Variants in ZNF816 observed in about 807,000 individuals in gnomAD.
ZNF816 encodes the protein zinc finger protein 816A.
A neutral mutation model predicts 8.3 loss-of-function variants in ZNF816; 11 were observed. That is an observed-to-expected ratio of 1.32 (90% CI 0.83 to 2.19). ZNF816 has a LOEUF of 2.19. ZNF816 is among the 30% of genes most tolerant of loss of function. The pLI is 0.00. For synonymous variants in ZNF816, 255 were observed against 254.5 expected, an observed-to-expected ratio of 1.00 and a Z score of -0.02; for missense variants, 710 against 779.3, an observed-to-expected ratio of 0.91 and a Z score of 1.06.
intron 2 of ZNF816, among the ~76,000 whole-genome samples, chr19:52,953,750 T>TAA (rs1045325475): frequency 7.0e-6 from 1 of 143,292 alleles, no homozygotes; most frequent in Non-Finnish European, 1.5e-5. Context: ...TATATATATA[T>TAA]AAAATAAGTC....
In ZNF816 at chr19:52,950,612, T is replaced by C; in HGVS notation, c.1163A>G (p.His388Arg). ...AGGTTTCTCTCCAGTGTGAAGTATA[T>C]GATGGCATTGAAGGGATGATTTCTG... ...FSQKSSLQCH[H>R]ILHTGEKPYK... The change falls in exon 4 of 4, where the codon CAT becomes CGT. Residue 388 changes from histidine to arginine, a missense_variant. Physicochemically the swap from His to Arg is conservative, Grantham distance 29. Coordinates refer to ENST00000444460, the MANE Select transcript of ZNF816 (RefSeq NM_001202457.3). 2.5e-6 allele frequency: 4 copies of C among 1,614,134 alleles called. No individual in the cohort carries two copies. The highest frequency in any genetic ancestry group is 2.2e-5 in the East Asian group (1 of 44,854).
At chr19:52,953,413 T>A (rs117032403) in intron 2 of ZNF816, 7,280 of 159,288 alleles carry the variant, frequency 0.046, 311 homozygotes, top group East Asian at 0.21. Context: ...AGAAAAAAAA[T>A]ATATATATAC....
In ZNF816 at chr19:52,950,001, G is replaced by A; in HGVS notation, c.1774C>T (p.Pro592Ser). The A allele has an allele frequency of 6.2e-7, 1 of 1,613,966 alleles. No individual in the cohort carries two copies. The highest frequency in any genetic ancestry group is 8.5e-7 in the Non-Finnish European group (1 of 1,179,926). Residue 592 changes from proline (P) to serine (S), a missense_variant, in exon 4 of 4, where the codon CCT becomes TCT. Coordinates refer to ENST00000444460, the MANE Select transcript of ZNF816 (RefSeq NM_001202457.3). Reference protein sequence around the residue: ...QHQRVHTGEKPYKCNECGKVF... With the variant: ...QHQRVHTGEKSYKCNECGKVF... Reference sequence around the variant, plus strand: ...TTGCCACATTCATTACACTTGTAAGGTTTCTCTCCAGTATGAACTCTCTGA... The same window carrying A: ...TTGCCACATTCATTACACTTGTAAGATTTCTCTCCAGTATGAACTCTCTGA...
Position 52,951,541 on chromosome 19 carries a change from G to A in ZNF816, c.234C>T (p.His78=), listed in dbSNP as rs201142201. ...KSMMEFSSTR[H]SITGEVIHTG... ...TGTGGATCACTTCTCCTGTAATACT[G>A]TGCCTGGTTGATGAGAACTCCATCA... is the stretch of plus-strand genomic sequence containing the variant. Residue 78 remains histidine (H), a synonymous_variant, in exon 4 of 4, where the codon CAC becomes CAT. Transcript: ENST00000444460. 19 of 1,582,416 alleles carry A rather than the reference G, an allele frequency of 1.2e-5. No individual in the cohort carries two copies. In the South Asian group the frequency reaches 1.3e-4, roughly 11 times the overall value.
rs1202955325 is a variant in ZNF816 at position 52,949,783 on chromosome 19, A to G, written c.*36T>C. ...AATATGGATTCTGTAATGATTTGCA[A>G]TGGTTGTAGCATTACTGAAGACTTT... On this transcript the variant is annotated 3_prime_UTR_variant, in exon 4 of 4. Coordinates refer to ENST00000444460, the MANE Select transcript of ZNF816 (RefSeq NM_001202457.3). 3.7e-6 allele frequency: 6 copies of G among 1,612,902 alleles called. No individual in the cohort carries two copies. The highest frequency in any genetic ancestry group is 5.1e-6 in the Non-Finnish European group (6 of 1,179,250).
At chr19:52,952,485 T>G in intron 3 of ZNF816, 2 of 553,316 alleles carry the variant, frequency 3.6e-6, no homozygotes, top group Non-Finnish European at 6.1e-6. Flanking sequence ...GCTCAGGGCT[T>G]CCAGGGACAT....
rs139679541 is a variant in ZNF816 at position 52,952,874 on chromosome 19, G to A, written c.67C>T (p.Arg23Cys). The change falls in exon 3 of 4, where the codon CGC becomes TGC. Residue 23 changes from arginine to cysteine, a missense_variant. Transcript: ENST00000444460. ...KEPGMALPQG[R>C]LTFRDVAIEF... is the part of the protein sequence containing the mutation. ...ATAGCCACATCCCTGAAAGTCAAGC[G>A]TCCCTAAAATAAAAAACACGTTTCA... 2.1e-4 allele frequency: 337 copies of A among 1,593,064 alleles called. 1 individual carries two copies. In the African/African-American group the frequency reaches 3.9e-3, roughly 18 times the overall value.
At position 52,951,502 on chromosome 19, in the gene ZNF816, T is replaced by C. The variant is rs1370716861; in HGVS notation, c.273A>G (p.Gln91=). 1.2e-6 allele frequency: 2 copies of C among 1,613,382 alleles called. No homozygotes were observed. Among genetic ancestry groups the C allele is most frequent in the African/African-American group, 1.3e-5 (1 of 75,024 alleles). ...CTCCAATGTGATGACTTTTATGTCT[T>C]TGCAACGTCCCTGTGTGGATCACTT... The part of the protein sequence containing the change: ...TGEVIHTGTL[Q]RHKSHHIGDF... The change falls in exon 4 of 4, where the codon CAA becomes CAG. Residue 91 remains glutamine, a synonymous_variant. Transcript: ENST00000444460.
intron 1 of ZNF816, among the ~76,000 whole-genome samples, chr19:52,958,135 C>G (rs992371230): frequency 1.3e-5 from 2 of 152,138 alleles, no homozygotes; most frequent in African/African-American, 4.8e-5. Context: ...GCCTGAGAGC[C>G]TTTAGAATTA....
rs752153889 is a variant in ZNF816 at position 52,950,778 on chromosome 19, T to C, written c.997A>G (p.Arg333Gly). ...SEKSSLRCHR[R>G]LHTGEKPYKC... ...TAAGGTTTCTCTCCAGTATGAAGTCTACGATGGCATCTAAGGGATGACTTC... is the reference window on the plus strand; with the variant it reads ...TAAGGTTTCTCTCCAGTATGAAGTCCACGATGGCATCTAAGGGATGACTTC... The change falls in exon 4 of 4, where the codon AGA (arginine) becomes GGA (glycine). Residue 333 changes from arginine (R) to glycine (G), a missense_variant. Arg to Gly is a moderately radical substitution (Grantham distance 125, BLOSUM62 -2). Transcript: ENST00000444460. 1 of 1,613,508 alleles carries C rather than the reference T, an allele frequency of 6.2e-7. No homozygotes were observed. The highest frequency in any genetic ancestry group is 2.2e-5 in the East Asian group (1 of 44,856).
chr19:52,951,029 A>G lies in ZNF816; in HGVS notation c.746T>C (p.Ile249Thr). The G allele has an allele frequency of 6.2e-7, 1 of 1,613,994 alleles. No individual in the cohort carries two copies. The highest frequency in any genetic ancestry group is 8.5e-7 in the Non-Finnish European group (1 of 1,179,992). The change falls in exon 4 of 4, where the codon ATA (isoleucine) becomes ACA (threonine). Residue 249 changes from isoleucine to threonine, a missense_variant. Ile to Thr is a moderately conservative substitution (Grantham distance 89, BLOSUM62 -1). Transcript: ENST00000444460. ...ATATTCTCTCTCTCTTGAATGGGTT[A>G]TGTGGTGTCTCCTTAAGAGTGAGCT... Reference protein sequence around the residue: ...NYSSLLRRHHITHSREREYKC... With the variant: ...NYSSLLRRHHTTHSREREYKC...
chr19:52,953,411 A>T (rs778822909), intron 2 of ZNF816: 67 of 170,934 alleles, frequency 3.9e-4, no homozygotes, highest in African/African-American at 9.5e-4. Context: ...AAAGAAAAAA[A>T]ATATATATAT....
chr19:52,954,548 G>A (rs573041579), intron 2 of ZNF816, among the ~76,000 whole-genome samples: 4 of 152,094 alleles, frequency 2.6e-5, no homozygotes, highest in South Asian at 2.1e-4. Flanking sequence ...TCATCAGACC[G>A]GGAGCAGGGC....
At position 52,950,063 on chromosome 19, in the gene ZNF816, G is replaced by A. The variant is rs376324036; in HGVS notation, c.1712C>T (p.Ala571Val). The A allele has an allele frequency of 2.5e-5, 41 of 1,612,586 alleles. No individual in the cohort carries two copies. Among genetic ancestry groups the A allele is most frequent in the African/African-American group, 1.3e-4 (10 of 74,436 alleles). ...GATTCCTTTTTGATTAAAAACCTTC[G>A]CACATTTATTACACTTGTAAGGTTT... ...GEKPYKCNKC[A>V]KVFNQKGILA... is the part of the protein sequence containing the mutation. The change falls in exon 4 of 4, where the codon GCG becomes GTG. Residue 571 changes from alanine (A) to valine (V), a missense_variant. Transcript: ENST00000444460.
At position 52,949,391 on chromosome 19, in the gene ZNF816, G is replaced by C. The variant is rs147713568; in HGVS notation, c.*428C>G. The C allele has an allele frequency of 2.0e-4, 61 of 298,710 alleles. No homozygotes were observed. Among genetic ancestry groups the C allele is most frequent in the African/African-American group, 1.3e-3 (59 of 46,082 alleles). 18.5% of individuals were successfully genotyped at this position (298,710 alleles called of 1,614,324 possible). The stretch of plus-strand genomic sequence containing the variant: ...ACTCTAATGTCAATTAAAGTTTTAT[G>C]ATTTTTTATATTCATTTTATTTGGA... On this transcript the variant is annotated 3_prime_UTR_variant, in exon 4 of 4. Transcript: ENST00000444460.
In ZNF816 at chr19:52,950,262, C is replaced by T; in HGVS notation, c.1513G>A (p.Gly505Arg). ...NLARHHRLHA[G>R]EKPYKCEECD... ...TCTTCACATTTGTAAGGTTTCTCTC[C>T]AGCATGAAGTCTATGATGACGTGCA... Residue 505 changes from glycine (G) to arginine (R), a missense_variant, in exon 4 of 4, where the codon GGA (glycine) becomes AGA (arginine). Transcript: ENST00000444460. The T allele has an allele frequency of 6.2e-7, 1 of 1,613,324 alleles. No homozygotes were observed. The highest frequency in any genetic ancestry group is 8.5e-7 in the Non-Finnish European group (1 of 1,179,856).
At chr19:52,954,619 G>A (rs1476390688) in intron 2 of ZNF816, among the ~76,000 whole-genome samples, 1 of 152,100 alleles carries the variant, frequency 6.6e-6, no homozygotes, top group Admixed American at 6.6e-5. Context: ...GAGGCCAAAA[G>A]TTCGAGACCA....
In ZNF816 at chr19:52,951,160, A is replaced by T; in HGVS notation, c.615T>A (p.Asn205Lys). Reference protein sequence around the residue: ...ISCRLKTHISNKYGKNFLHSS... With the variant: ...ISCRLKTHISKKYGKNFLHSS... ...AATGGAGGAAATTCTTCCCATACTT[A>T]TTAGAAATATGAGTTTTGAGCCTAC... Residue 205 changes from asparagine to lysine, a missense_variant, in exon 4 of 4, where the codon AAT becomes AAA. Physicochemically the swap from Asn to Lys is moderately conservative, Grantham distance 94 (BLOSUM62 0). Transcript: ENST00000444460. 6.2e-7 allele frequency: 1 copy of T among 1,614,168 alleles called. No individual in the cohort carries two copies. Among genetic ancestry groups the T allele is most frequent in the Non-Finnish European group, 8.5e-7 (1 of 1,180,038 alleles).
intron 3 of ZNF816, chr19:52,952,370 AAAAC>A (rs765438371): frequency 4.3e-5 from 16 of 369,132 alleles, no homozygotes; most frequent in South Asian, 1.5e-4. Flanking sequence ...ACTCTGTCTG[AAAAC>A]AAACAAACAA....
Sources: gnomAD v4.1 joint callset for allele counts (sites outside exome capture counted in the v4.1 genomes callset) on GRCh38, gnomAD v4.1.1 for gene constraint, MANE v1.5 for transcripts, NCBI Gene and HGNC (gene_info 2026-07-23, HGNC 2026-07-21) for gene names.